GALNT5: variants seen among roughly 807,000 people sequenced by gnomAD.
GALNT5 encodes the protein polypeptide N-acetylgalactosaminyltransferase 5.
A neutral mutation model predicts 85.4 loss-of-function variants in GALNT5; 72 were observed. That is an observed-to-expected ratio of 0.84 (90% CI 0.70 to 1.03). GALNT5 has a LOEUF of 1.03. Ranked by LOEUF, GALNT5 falls within the 50% of genes least tolerant of loss-of-function variation. The probability of loss-of-function intolerance (pLI) is 0.00; values close to 1 mark genes in which losing one functional copy is unlikely to be tolerated. For missense variants in GALNT5, 1,137 were observed against 1,135.5 expected (o/e 1.00, Z -0.02); for synonymous variants, 404 against 397.0 (o/e 1.02, Z -0.21).
chr2:157,268,253 A>G (rs1422599140), intron 1 of GALNT5, among the ~76,000 whole-genome samples: 1 of 152,166 alleles, frequency 6.6e-6, no homozygotes, highest in Non-Finnish European at 1.5e-5. Flanking sequence ...AACCTTCTCT[A>G]TTTGATAGGC....
At position 157,313,259 on chromosome 2, in the gene GALNT5, A is replaced by G. The variant is rs1683616191; in HGVS notation, c.*1911A>G. On this transcript the variant is annotated 3_prime_UTR_variant, in exon 10 of 10. Transcript: ENST00000259056. ...ACTCACCATGATGTTACAATAGCCT[A>G]CAGTGTTCAATACAGTAACATGCAC... The G allele has an allele frequency of 6.6e-6, 1 of 152,218 alleles. No homozygotes were observed. Among genetic ancestry groups the G allele is most frequent in the Non-Finnish European group, 1.5e-5 (1 of 68,036 alleles). The allele number at this position is 152,218 out of a possible 1,614,324, so 9.4% of individuals were successfully genotyped here. A position where few individuals can be genotyped will look rare whatever the true frequency, so the allele number is the denominator to read the frequency against.
chr2:157,296,411 A>G lies in GALNT5; in HGVS notation c.1895A>G (p.Asn632Ser). 6.2e-7 allele frequency: 1 copy of G among 1,609,810 alleles called. No individual in the cohort carries two copies. Among genetic ancestry groups the G allele is most frequent in the Non-Finnish European group, 8.5e-7 (1 of 1,176,176 alleles). Residue 632 changes from asparagine (N) to serine (S), a missense_variant, in exon 5 of 10, where the codon AAC (asparagine) becomes AGC (serine). Transcript: ENST00000259056. ...DKDMSYMTVD[N>S]FQRGIFVWPM... ...TGGATTAGTTACATGACAGTGGATA[A>G]CTTTCAAAGAGGCATCTTTGTGTGG...
At chr2:157,277,441 T>C (rs1184657708) in intron 1 of GALNT5, among the ~76,000 whole-genome samples, 1 of 152,190 alleles carries the variant, frequency 6.6e-6, no homozygotes, top group East Asian at 1.9e-4. Flanking sequence ...CCCATTATTA[T>C]TGTGTGGGAG....
chr2:157,289,767 T>C (rs527852229), intron 3 of GALNT5, among the ~76,000 whole-genome samples: 1 of 152,166 alleles, frequency 6.6e-6, no homozygotes, highest in Non-Finnish European at 1.5e-5. Context: ...CACAAACCCA[T>C]TTTTATTACA....
intron 1 of GALNT5, among the ~76,000 whole-genome samples, chr2:157,274,344 G>T (rs1682670008): frequency 6.6e-6 from 1 of 152,142 alleles, no homozygotes; most frequent in South Asian, 2.1e-4. Flanking sequence ...CCCAGTAATG[G>T]GATCACTGGT....
chr2:157,310,062 C>A (rs1683536688), intron 9 of GALNT5, among the ~76,000 whole-genome samples: 1 of 152,132 alleles, frequency 6.6e-6, no homozygotes, highest in Non-Finnish European at 1.5e-5. Flanking sequence ...AAAACACATT[C>A]TTCATCTCCA....
In GALNT5 at chr2:157,258,747, T is replaced by G; in HGVS notation, c.665T>G (p.Leu222Arg). The change falls in exon 1 of 10, where the codon CTT (leucine) becomes CGT (arginine). Residue 222 changes from leucine (L) to arginine (R), a missense_variant. Transcript: ENST00000259056. Reference sequence around the variant, plus strand: ...AGGGACTTGAATGTGACCATCAGTCTTAGTACTGATAGACCAAAGCAGCGA... The same window carrying G: ...AGGGACTTGAATGTGACCATCAGTCGTAGTACTGATAGACCAAAGCAGCGA... ...AERDLNVTIS[L>R]STDRPKQRSQ... 1 of 1,612,860 alleles carries G rather than the reference T, an allele frequency of 6.2e-7. No individual in the cohort carries two copies. Among genetic ancestry groups the G allele is most frequent in the South Asian group, 1.1e-5 (1 of 91,048 alleles).
rs780527773 is a variant in GALNT5 at position 157,258,234 on chromosome 2, G to A, written c.152G>A (p.Arg51Lys). 1.2e-5 allele frequency: 19 copies of A among 1,613,280 alleles called. No individual in the cohort carries two copies. Among genetic ancestry groups the A allele is most frequent in the Non-Finnish European group, 1.4e-5 (17 of 1,179,728 alleles). The change falls in exon 1 of 10, where the codon AGG becomes AAG. Residue 51 changes from arginine (R) to lysine (K), a missense_variant. Arg to Lys is a conservative substitution (Grantham distance 26). Transcript: ENST00000259056. ...CGGGTCATCAAGGAAGACATTGTGA[G>A]GAGGGAGCGGATAGGATTCAGAGTT... ...NTRVIKEDIV[R>K]RERIGFRVQP... is the part of the protein sequence containing the mutation.
chr2:157,273,531 G>A (rs1211763870), intron 1 of GALNT5, among the ~76,000 whole-genome samples: 1 of 147,348 alleles, frequency 6.8e-6, no homozygotes, highest in African/African-American at 2.5e-5. Context: ...AAAAAAAACA[G>A]CATGACTAAC....
At chr2:157,272,117 A>T (rs1682602494) in intron 1 of GALNT5, among the ~76,000 whole-genome samples, 1 of 152,206 alleles carries the variant, frequency 6.6e-6, no homozygotes, top group South Asian at 2.1e-4. Context: ...AAGGTGGGTT[A>T]ATATAAAGAG....
chr2:157,258,497 C>G lies in GALNT5; in HGVS notation c.415C>G (p.Pro139Ala), dbSNP rs1441406297. 6.2e-7 allele frequency: 1 copy of G among 1,609,620 alleles called. No individual in the cohort carries two copies. The highest frequency in any genetic ancestry group is 1.1e-5 in the South Asian group (1 of 90,610). The change falls in exon 1 of 10, where the codon CCT becomes GCT. Residue 139 changes from proline (P) to alanine (A), a missense_variant. Coordinates refer to ENST00000259056, the MANE Select transcript of GALNT5 (RefSeq NM_014568.3). ...PAHLQTLPVT[P>A]NKQKTDGRGT... ...ACATCTGCAGACCCTCCCTGTGACTCCTAACAAGCAGAAGACAGACGGGAG... is the reference window on the plus strand; with the variant it reads ...ACATCTGCAGACCCTCCCTGTGACTGCTAACAAGCAGAAGACAGACGGGAG...
chr2:157,309,306 T>C (rs6750370), intron 9 of GALNT5, among the ~76,000 whole-genome samples: 125,034 of 152,116 alleles, frequency 0.82, 52,563 homozygotes, highest in Non-Finnish European at 0.92. Flanking sequence ...AGCTGGAAAC[T>C]GGCCATATTG....
intron 1 of GALNT5, among the ~76,000 whole-genome samples, chr2:157,265,523 A>C (rs1682438426): frequency 6.6e-6 from 1 of 152,246 alleles, no homozygotes; most frequent in Non-Finnish European, 1.5e-5. Context: ...AAGCCCTAGA[A>C]ACACTCCTGG....
At chr2:157,274,638 C>CGT (rs201878693) in intron 1 of GALNT5, among the ~76,000 whole-genome samples, 1,745 of 152,200 alleles carry the variant, frequency 0.011, 35 homozygotes, top group African/African-American at 0.04. Context: ...TTTTGAGAAG[C>CGT]GTCTGTTGAT....
At chr2:157,298,931 TTGACGGA>T (rs1254720982) in intron 5 of GALNT5, 1 of 116,120 alleles carries the variant, frequency 8.6e-6, no homozygotes, top group African/African-American at 3.5e-5. Context: ...TCATATACCC[TTGACGGA>T]AGACCGGAAG....
Position 157,314,038 on chromosome 2 carries a change from A to AT in GALNT5, c.*2696dup. On this transcript the variant is annotated 3_prime_UTR_variant, in exon 10 of 10. Transcript: ENST00000259056. ...CATTTTCTTAAGCATAGCCTTCTAA[A>AT]TTTTTTCAGGAGATTAGAATAAAGG... 1 of 152,090 alleles carries AT rather than the reference A, an allele frequency of 6.6e-6. No homozygotes were observed. The highest frequency in any genetic ancestry group is 6.6e-5 in the Admixed American group (1 of 15,250). The allele number at this position is 152,090 out of a possible 1,614,324, so 9.4% of individuals were successfully genotyped here.
chr2:157,261,998 AAG>A (rs966735869), intron 1 of GALNT5, among the ~76,000 whole-genome samples: 1 of 152,106 alleles, frequency 6.6e-6, no homozygotes, highest in Non-Finnish European at 1.5e-5. Flanking sequence ...GTGTGAAAGA[AAG>A]AGAGAGAGAA....
chr2:157,286,088 A>G lies in GALNT5; in HGVS notation c.1695A>G (p.Arg565=), dbSNP rs758011899. ...PKVRILRLKE[R]HGLIRARLAG... ...TTCGGATTCTTCGCCTCAAAGAGAG[A>G]CATGGCTTAATAAGGGCCAGGCTGG... Residue 565 remains arginine (R), a synonymous_variant, in exon 3 of 10, where the codon AGA becomes AGG. Transcript: ENST00000259056. The G allele has an allele frequency of 1.2e-6, 2 of 1,612,556 alleles. No homozygotes were observed. The highest frequency in any genetic ancestry group is 2.2e-5 in the South Asian group (2 of 91,058).
chr2:157,300,770 G>A lies in GALNT5; in HGVS notation c.2210G>A (p.Arg737Gln), dbSNP rs201528172. The part of the protein sequence containing the change: ...NDNPYSFPKD[R>Q]MKTVERNLVR... ...AATCCATATTCCTTCCCCAAAGACCGGATGAAGACAGTGGAGCGGAACTTG... is the reference window on the plus strand; with the variant it reads ...AATCCATATTCCTTCCCCAAAGACCAGATGAAGACAGTGGAGCGGAACTTG... The change falls in exon 7 of 10, where the codon CGG becomes CAG. Residue 737 changes from arginine to glutamine, a missense_variant. Transcript: ENST00000259056. 2.3e-4 allele frequency: 365 copies of A among 1,613,962 alleles called. No homozygotes were observed. The highest frequency in any genetic ancestry group is 2.9e-4 in the Non-Finnish European group (340 of 1,179,882).
Sources: gnomAD v4.1 joint callset for allele counts (sites outside exome capture counted in the v4.1 genomes callset) on GRCh38, gnomAD v4.1.1 for gene constraint, MANE v1.5 for transcripts, NCBI Gene and HGNC (gene_info 2026-07-23, HGNC 2026-07-21) for gene names.